SPAG16: variants seen among roughly 807,000 people sequenced by gnomAD.
SPAG16 encodes sperm-associated antigen 16 protein.
In SPAG16, 86 loss-of-function variants were observed where a neutral mutation model predicts 80.4. That is an observed-to-expected ratio of 1.07 (90% CI 0.90 to 1.28). The LOEUF (loss-of-function observed/expected upper bound fraction) is 1.28. Ranked by LOEUF, SPAG16 falls within the 50% of genes most tolerant of loss-of-function variation. The pLI, the probability that SPAG16 is intolerant of heterozygous loss-of-function variation, is 0.00. For synonymous variants in SPAG16, 294 were observed against 265.9 expected (o/e 1.11, Z -1.03); for missense variants, 870 against 765.3 (o/e 1.14, Z -1.61).
chr2:213,573,466 G>A (rs1425087305), intron 10 of SPAG16, among the ~76,000 whole-genome samples: 1 of 152,168 alleles, frequency 6.6e-6, no homozygotes, highest in African/African-American at 2.4e-5. Flanking sequence ...ATGGGTACAT[G>A]TGATTGATCT....
chr2:214,069,400 C>A lies in SPAG16; in HGVS notation c.1528-38796C>A, dbSNP rs559668911. ...GTTTTGCTTTCATGACTCTTTCCCC[C>A]ACAGTTGTAACTAAGCAAGGACTGT... On this transcript the variant is annotated intron_variant, in intron 13 of 15. Coordinates refer to ENST00000331683, the MANE Select transcript of SPAG16 (RefSeq NM_024532.5). Among the ~76,000 whole-genome samples the A allele has an allele frequency of 8.0e-4, 122 of 152,244 alleles. 1 individual carries two copies. The highest frequency in any genetic ancestry group is 1.4e-3 in the Non-Finnish European group (93 of 68,012).
chr2:213,584,885 G>A (rs894003028), intron 10 of SPAG16, among the ~76,000 whole-genome samples: 32 of 152,082 alleles, frequency 2.1e-4, no homozygotes, highest in African/African-American at 5.8e-4. Context: ...TACTCTTATC[G>A]TTTTTAAAAT....
At chr2:214,339,014 AT>A (rs1697487558) in intron 15 of SPAG16, among the ~76,000 whole-genome samples, 1 of 152,210 alleles carries the variant, frequency 6.6e-6, no homozygotes, top group African/African-American at 2.4e-5. Context: ...AACAGAAAGC[AT>A]TTTTGATATT....
chr2:213,896,586 ACACACG>A (rs371561015), intron 11 of SPAG16, among the ~76,000 whole-genome samples: 918 of 84,380 alleles, frequency 0.011, 12 homozygotes, highest in Non-Finnish European at 0.013. Context: ...ATATACACAC[ACACACG>A]CACACACACA....
chr2:214,392,172 T>G (rs192690868), intron 15 of SPAG16, among the ~76,000 whole-genome samples: 107 of 152,252 alleles, frequency 7.0e-4, no homozygotes, highest in Non-Finnish European at 1.4e-3. Context: ...TTTTTTTTCT[T>G]CTTTTTTTGA....
At chr2:214,277,567 T>A (rs1692565055) in intron 15 of SPAG16, among the ~76,000 whole-genome samples, 1 of 152,004 alleles carries the variant, frequency 6.6e-6, no homozygotes, top group Admixed American at 6.6e-5. Context: ...TCTGTTGGAG[T>A]TTGCTGGAGG....
rs72116627 is a variant in SPAG16 at position 213,860,437 on chromosome 2, T to TA, written c.1071-2048_1071-2047insA. ...AATATATGTGTGTATATCTATATAT[T>TA]TATAGATATATGTATATATATACAG... On this transcript the variant is annotated intron_variant, in intron 10 of 15. Transcript: ENST00000331683. Among the ~76,000 whole-genome samples the TA allele has an allele frequency of 2.2e-5, 3 of 133,604 alleles. No homozygotes were observed. In the East Asian group the frequency reaches 6.3e-4, roughly 28 times the overall value. 87.6% of individuals were successfully genotyped at this position (133,604 alleles called of 152,430 possible).
At chr2:213,987,354 T>C (rs546606842) in intron 12 of SPAG16, among the ~76,000 whole-genome samples, 74 of 152,222 alleles carry the variant, frequency 4.9e-4, no homozygotes, top group African/African-American at 1.7e-3. Context: ...CTGCAGGATA[T>C]AGACAGTCTG....
intron 12 of SPAG16, among the ~76,000 whole-genome samples, chr2:213,958,330 T>A (rs1177657116): frequency 6.6e-6 from 1 of 152,076 alleles, no homozygotes; most frequent in East Asian, 1.9e-4. Context: ...TATCTAGCTG[T>A]CCCATGGGCA....
intron 15 of SPAG16, among the ~76,000 whole-genome samples, chr2:214,290,291 G>A (rs1030728626): frequency 2.4e-4 from 37 of 151,436 alleles, no homozygotes; most frequent in African/African-American, 9.0e-4. Context: ...TGTTTATTTG[G>A]GTTTTTTCTC....
At chr2:213,690,252 G>A (rs188420545) in intron 10 of SPAG16, among the ~76,000 whole-genome samples, 5 of 152,298 alleles carry the variant, frequency 3.3e-5, no homozygotes, top group Admixed American at 1.3e-4. Context: ...AACACAGACT[G>A]TGGAATTGAT....
At chr2:213,546,352 T>C (rs2076611773) in intron 10 of SPAG16, among the ~76,000 whole-genome samples, 1 of 152,168 alleles carries the variant, frequency 6.6e-6, no homozygotes, top group South Asian at 2.1e-4. Context: ...TATTACTCTC[T>C]TTGTTTTTTG....
intron 15 of SPAG16, among the ~76,000 whole-genome samples, chr2:214,291,131 C>CTGTT (rs1693760607): frequency 6.6e-6 from 1 of 151,740 alleles, no homozygotes; most frequent in Non-Finnish European, 1.5e-5. Flanking sequence ...TTTTTCTTTA[C>CTGTT]TGTTTTTGAC....
At chr2:213,736,177 G>T (rs1414330731) in intron 10 of SPAG16, among the ~76,000 whole-genome samples, 1 of 152,018 alleles carries the variant, frequency 6.6e-6, no homozygotes, top group African/African-American at 2.4e-5. Flanking sequence ...ATAACTCAAG[G>T]TTTCTTTAAT....
intron 12 of SPAG16, among the ~76,000 whole-genome samples, chr2:214,003,807 G>C (rs2046905491): frequency 6.6e-6 from 1 of 152,152 alleles, no homozygotes; most frequent in Non-Finnish European, 1.5e-5. Flanking sequence ...TCACTTGTGT[G>C]TGAACAAAGC....
At chr2:213,551,809 C>A (rs145151727) in intron 10 of SPAG16, among the ~76,000 whole-genome samples, 2 of 152,252 alleles carry the variant, frequency 1.3e-5, no homozygotes, top group African/African-American at 4.8e-5. Context: ...ACCTGAATAC[C>A]ATTTTGAAGA....
At chr2:213,297,820 A>G (rs1046646060) in intron 3 of SPAG16, among the ~76,000 whole-genome samples, 5 of 152,152 alleles carry the variant, frequency 3.3e-5, no homozygotes, top group Non-Finnish European at 7.4e-5. Context: ...TTTTGATTAT[A>G]ATACAATGAA....
chr2:213,845,688 A>AACAAAG lies in SPAG16; in HGVS notation c.1071-16797_1071-16796insACAAAG, dbSNP rs1163993731. Among the ~76,000 whole-genome samples the AACAAAG allele has an allele frequency of 5.3e-5, 8 of 152,162 alleles. No homozygotes were observed. The South Asian group carries it at 1.2e-3, about 24-fold the overall frequency. ...ATTCTTTGTTAAAAACAAAAACAAA[A>AACAAAG]TGCCATAAAACCTCAGTGGCACACA... On this transcript the variant is annotated intron_variant, in intron 10 of 15. Transcript: ENST00000331683.
intron 15 of SPAG16, among the ~76,000 whole-genome samples, chr2:214,252,820 A>T (rs1245262193): frequency 6.6e-6 from 1 of 152,110 alleles, no homozygotes; most frequent in Non-Finnish European, 1.5e-5. Flanking sequence ...CAGTAATGAG[A>T]TTGCTGGGTC....
Sources: allele counts gnomAD v4.1 joint callset (sites outside exome capture counted in the v4.1 genomes callset), GRCh38; gene constraint gnomAD v4.1.1; transcripts MANE v1.5; gene names NCBI Gene and HGNC (gene_info 2026-07-23, HGNC 2026-07-21).